Variants in DENND5B observed in about 807,000 individuals in gnomAD.
The protein encoded by DENND5B is DENN domain containing 5B.
A neutral mutation model predicts 140.6 loss-of-function variants in DENND5B; 34 were observed. The ratio of observed to expected loss-of-function variants is 0.24; its 90% confidence interval spans 0.18 to 0.32. DENND5B has a LOEUF of 0.32. Among genes scored for constraint, DENND5B ranks in the 10% least tolerant of loss-of-function variants. The pLI is 1.00. For synonymous variants in DENND5B, 551 were observed against 562.1 expected, an observed-to-expected ratio of 0.98 and a Z score of 0.28; for missense variants, 1,142 against 1,560.2, an observed-to-expected ratio of 0.73 and a Z score of 4.52.
Position 31,471,461 on chromosome 12 carries a change from A to ATTTTT in DENND5B, c.904+8123_904+8127dup, listed in dbSNP as rs747862984. Among the ~76,000 whole-genome samples, 933 of 111,690 alleles carry ATTTTT rather than the reference A, an allele frequency of 8.4e-3. 10 individuals carry two copies. Among genetic ancestry groups the ATTTTT allele is most frequent in the East Asian group, 0.016 (61 of 3,882 alleles). The allele number at this position is 111,690 out of a possible 152,430, so 73.3% of individuals were successfully genotyped here. A position where few individuals can be genotyped will look rare whatever the true frequency, so the allele number is the denominator to read the frequency against. ...TACAATCGCACACCACCATGCCTGT[A>ATTTTT]TTTTTTTTTTTTTTTTTTTTGTAGA... On this transcript the variant is annotated intron_variant, in intron 3 of 20. Transcript: ENST00000389082.
At chr12:31,483,570 A>G (rs77057345) in intron 2 of DENND5B, among the ~76,000 whole-genome samples, 1,715 of 151,424 alleles carry the variant, frequency 0.011, 19 homozygotes, top group East Asian at 0.032. Context: ...CCTCCCAAGT[A>G]GCTGGGATTA....
chr12:31,433,076 C>T (rs762032704), intron 8 of DENND5B, 79 bp downstream of exon 8: 1 of 1,171,650 alleles, frequency 8.5e-7, no homozygotes, highest in East Asian at 2.4e-5. Context: ...TAAGAATCTA[C>T]ACAATGACAT....
intron 3 of DENND5B, among the ~76,000 whole-genome samples, chr12:31,461,671 T>G (rs184475885): frequency 6.6e-6 from 1 of 152,300 alleles, no homozygotes; most frequent in Non-Finnish European, 1.5e-5. Context: ...TCAAAGAATA[T>G]GAATAGGGTC....
At chr12:31,588,929 T>C (rs76357332) in intron 1 of DENND5B, among the ~76,000 whole-genome samples, 1,729 of 152,266 alleles carry the variant, frequency 0.011, 19 homozygotes, top group East Asian at 0.031. Flanking sequence ...GAAGCAGAAA[T>C]CCCAATCACC....
rs768349734 is a variant in DENND5B, at chr12:31,424,547, C to T, written c.2379G>A (p.Leu793=). The T allele has an allele frequency of 1.9e-6, 3 of 1,613,546 alleles. No homozygotes were observed. The South Asian group carries it at 3.3e-5, about 18-fold the overall frequency. Residue 793 remains leucine (L), a synonymous_variant, in exon 10 of 21, where the codon TTG becomes TTA. Coordinates refer to ENST00000389082, the MANE Select transcript of DENND5B (RefSeq NM_144973.4). ...CTAAAACTGTTACCTGCTTGACCTG[C>T]AAGCCATGGCTCCATATCCTCTCCA... The part of the protein sequence containing the change: ...DLLERIWSHG[L]QVKQGKSALW...
intron 1 of DENND5B, among the ~76,000 whole-genome samples, chr12:31,550,575 T>G (rs36164089): frequency 9.9e-5 from 15 of 151,598 alleles, no homozygotes; most frequent in Admixed American, 4.6e-4. Flanking sequence ...TTTGGGTATA[T>G]AGCCAGTAAT....
At chr12:31,528,095 T>C (rs947035935) in intron 1 of DENND5B, among the ~76,000 whole-genome samples, 1 of 152,198 alleles carries the variant, frequency 6.6e-6, no homozygotes, top group African/African-American at 2.4e-5. Flanking sequence ...CTGTAACAAA[T>C]GACCTCAAAC....
chr12:31,399,609 A>T, intron 16 of DENND5B, 45 bp downstream of exon 16: 1 of 1,476,576 alleles, frequency 6.8e-7, no homozygotes, highest in Non-Finnish European at 9.4e-7. Flanking sequence ...TTACCTGAAG[A>T]GTCTTAAAAC....
intron 2 of DENND5B, among the ~76,000 whole-genome samples, chr12:31,483,464 G>T (rs911180386): frequency 4.0e-5 from 6 of 150,732 alleles, no homozygotes; most frequent in Non-Finnish European, 8.9e-5. Context: ...TTTCCAAGAC[G>T]GAGTCTTGCT....
chr12:31,529,950 G>T (rs1948224985), intron 1 of DENND5B, among the ~76,000 whole-genome samples: 1 of 152,104 alleles, frequency 6.6e-6, no homozygotes, highest in African/African-American at 2.4e-5. Context: ...GAAGGATCTA[G>T]AAACTTTGTG....
At chr12:31,404,714 A>C (rs1565546573) in intron 14 of DENND5B, among the ~76,000 whole-genome samples, 1 of 143,462 alleles carries the variant, frequency 7.0e-6, no homozygotes, top group Non-Finnish European at 1.5e-5. Context: ...TCAACCTCCC[A>C]AAGTGTTGGG....
chr12:31,464,706 G>A (rs1945177417), intron 3 of DENND5B, among the ~76,000 whole-genome samples: 2 of 152,026 alleles, frequency 1.3e-5, no homozygotes, highest in South Asian at 4.1e-4. Context: ...GATTACAGCT[G>A]TGCACCACCA....
rs997350817 is a variant in DENND5B at position 31,383,301 on chromosome 12, C to T, written c.*4302G>A. On this transcript the variant is annotated 3_prime_UTR_variant, in exon 21 of 21. Coordinates refer to ENST00000389082, the MANE Select transcript of DENND5B (RefSeq NM_144973.4). ...GGAAATTTGAGGTCCTTGTCTGTCA[C>T]CTCATGTTTCAAAATACCTTAGGGA... 2.0e-5 allele frequency: 3 copies of T among 152,106 alleles called. No homozygotes were observed. Among genetic ancestry groups the T allele is most frequent in the Admixed American group, 6.5e-5 (1 of 15,270 alleles). The allele number at this position is 152,106 out of a possible 1,614,324, so 9.4% of individuals were successfully genotyped here.
chr12:31,567,963 C>T (rs187999868), intron 1 of DENND5B, among the ~76,000 whole-genome samples: 279 of 152,280 alleles, frequency 1.8e-3, no homozygotes, highest in African/African-American at 6.3e-3. Context: ...CCTCGGCCTT[C>T]CAAAGTACGG....
intron 1 of DENND5B, among the ~76,000 whole-genome samples, chr12:31,515,382 T>C (rs1947594081): frequency 6.6e-6 from 1 of 152,228 alleles, no homozygotes; most frequent in Non-Finnish European, 1.5e-5. Flanking sequence ...ATTATTATTA[T>C]TATTGTAACA....
intron 2 of DENND5B, among the ~76,000 whole-genome samples, chr12:31,491,963 T>A (rs1014396931): frequency 1.3e-5 from 2 of 152,228 alleles, no homozygotes; most frequent in African/African-American, 2.4e-5. Context: ...CAAAGCTTTA[T>A]ATCTTTAGGT....
chr12:31,489,668 A>G lies in DENND5B; in HGVS notation c.237+6142T>C, dbSNP rs774091698. ...AATAAGAGACACTGCTCCTGTTCTC[A>G]TGGTGCTTACATTAAGCACGAGATA... On this transcript the variant is annotated intron_variant, in intron 2 of 20. Transcript: ENST00000389082. Among the ~76,000 whole-genome samples, 94 of 152,238 alleles carry G rather than the reference A, an allele frequency of 6.2e-4. 1 individual carries two copies. Among genetic ancestry groups the G allele is most frequent in the East Asian group, 1.9e-4 (1 of 5,204 alleles).
rs528358282 is a variant in DENND5B, at chr12:31,531,212, T to A, written c.128-35293A>T. 9.2e-5 allele frequency among the ~76,000 whole-genome samples: 14 copies of A among 152,332 alleles called. No individual in the cohort carries two copies. In the East Asian group the frequency reaches 2.7e-3, roughly 29 times the overall value. ...ACTAACTTTTTTTTTTTTTCCTTTT[T>A]ACTTTGAGACGGAGTCTCGCTCTGT... On this transcript the variant is annotated intron_variant, in intron 1 of 20. Coordinates refer to ENST00000389082, the MANE Select transcript of DENND5B (RefSeq NM_144973.4).
intron 1 of DENND5B, among the ~76,000 whole-genome samples, chr12:31,498,294 T>A (rs1321530909): frequency 6.6e-6 from 1 of 152,204 alleles, no homozygotes; most frequent in African/African-American, 2.4e-5. Context: ...CCTGCCTGTG[T>A]ATAGTTAAAA....
Sources: allele counts gnomAD v4.1 joint callset (sites outside exome capture counted in the v4.1 genomes callset), GRCh38; gene constraint gnomAD v4.1.1; transcripts MANE v1.5; gene names NCBI Gene and HGNC (gene_info 2026-07-23, HGNC 2026-07-21).